Variants in PTPRM observed in about 807,000 individuals in gnomAD.
PTPRM encodes the protein receptor-type tyrosine-protein phosphatase mu.
In PTPRM, 47 loss-of-function variants were observed where a neutral mutation model predicts 186.7. That is an observed-to-expected ratio of 0.25 (90% CI 0.20 to 0.32). PTPRM has a LOEUF of 0.32. Ranked by LOEUF, PTPRM falls within the 10% of genes least tolerant of loss-of-function variation. PTPRM has a pLI of 1.00. For synonymous variants in PTPRM, 668 were observed against 674.9 expected (o/e 0.99, Z 0.16); for missense variants, 1,494 against 1,865.0 (o/e 0.80, Z 3.66).
At chr18:8,354,448 A>T (rs1488802222) in intron 23 of PTPRM, among the ~76,000 whole-genome samples, 1 of 152,148 alleles carries the variant, frequency 6.6e-6, no homozygotes, top group African/African-American at 2.4e-5. Context: ...TTTCAACAGG[A>T]AGGGGATAGC....
At chr18:8,139,468 G>T (rs542443474) in intron 13 of PTPRM, among the ~76,000 whole-genome samples, 1 of 152,132 alleles carries the variant, frequency 6.6e-6, no homozygotes, top group African/African-American at 2.4e-5. Context: ...CAGTACACAC[G>T]GCTGCCGGGA....
chr18:8,032,742 A>G (rs1015999727), intron 7 of PTPRM, among the ~76,000 whole-genome samples: 1 of 152,170 alleles, frequency 6.6e-6, no homozygotes, highest in Admixed American at 6.5e-5. Context: ...ATAAAAATAG[A>G]AAATACAAGC....
At chr18:8,279,264 C>T (rs1331850516) in intron 19 of PTPRM, among the ~76,000 whole-genome samples, 2 of 151,940 alleles carry the variant, frequency 1.3e-5, no homozygotes, top group African/African-American at 2.4e-5. Flanking sequence ...TGGTGAGGAA[C>T]GTGAAATGGA....
At chr18:8,106,372 G>A (rs1307792869) in intron 11 of PTPRM, among the ~76,000 whole-genome samples, 2 of 152,126 alleles carry the variant, frequency 1.3e-5, no homozygotes, top group African/African-American at 2.4e-5. Flanking sequence ...GAGAATGTTG[G>A]TGACTGTAGC....
At chr18:8,401,993 C>T (rs781047710) in intron 32 of PTPRM, among the ~76,000 whole-genome samples, 2 of 152,170 alleles carry the variant, frequency 1.3e-5, no homozygotes, top group Non-Finnish European at 2.9e-5. Flanking sequence ...TCCTCATGCC[C>T]GAAGCCAGCT....
chr18:7,734,945 A>C (rs2040736614), intron 1 of PTPRM, among the ~76,000 whole-genome samples: 1 of 151,842 alleles, frequency 6.6e-6, no homozygotes, highest in Admixed American at 6.6e-5. Flanking sequence ...CACACACGTT[A>C]ACCAAAAATA....
At chr18:7,907,499 T>C (rs2050050215) in intron 4 of PTPRM, among the ~76,000 whole-genome samples, 1 of 152,198 alleles carries the variant, frequency 6.6e-6, no homozygotes, top group Admixed American at 6.5e-5. Context: ...GCGCTGTGTC[T>C]CTGTGCACCT....
At chr18:8,346,530 AC>A (rs1434260142) in intron 23 of PTPRM, among the ~76,000 whole-genome samples, 2 of 152,186 alleles carry the variant, frequency 1.3e-5, no homozygotes, top group Non-Finnish European at 2.9e-5. Context: ...GTCTCCAAAT[AC>A]AGTCACACTT....
At chr18:7,914,486 A>G (rs566458517) in intron 4 of PTPRM, among the ~76,000 whole-genome samples, 1 of 152,226 alleles carries the variant, frequency 6.6e-6, no homozygotes, top group East Asian at 1.9e-4. Flanking sequence ...TTGGACCTAT[A>G]ATCTCATTTG....
chr18:7,886,936 G>A (rs1358761695), intron 2 of PTPRM, among the ~76,000 whole-genome samples: 2 of 152,184 alleles, frequency 1.3e-5, no homozygotes, highest in Non-Finnish European at 1.5e-5. Context: ...GGCAATCACA[G>A]CATGTAAACA....
At chr18:7,861,347 T>C (rs1193207105) in intron 2 of PTPRM, among the ~76,000 whole-genome samples, 2 of 149,806 alleles carry the variant, frequency 1.3e-5, no homozygotes, top group Non-Finnish European at 2.9e-5. Flanking sequence ...ATAAACACAC[T>C]CAGTATTTAT....
intron 7 of PTPRM, among the ~76,000 whole-genome samples, chr18:8,067,780 G>T (rs868407642): frequency 1.3e-5 from 2 of 152,166 alleles, no homozygotes; most frequent in South Asian, 4.1e-4. Context: ...TGAAATGCAG[G>T]CCAGGCTCTC....
intron 22 of PTPRM, among the ~76,000 whole-genome samples, chr18:8,331,807 G>T (rs184459130): frequency 5.3e-5 from 8 of 152,236 alleles, no homozygotes; most frequent in African/African-American, 1.7e-4. Flanking sequence ...GACAAACATA[G>T]GTTGGAAAGA....
Position 7,888,087 on chromosome 18 carries a change from C to A in PTPRM, c.197-19C>A, listed in dbSNP as rs780731697. The A allele has an allele frequency of 5.6e-6, 9 of 1,613,980 alleles. No homozygotes were observed. The highest frequency in any genetic ancestry group is 7.6e-6 in the Non-Finnish European group (9 of 1,179,910). ...AGTAGTGTTTCAGGGTATGACTCTC[C>A]TTGATTTTGTTTTTGCAGGTTCTTT... On this transcript the variant is annotated intron_variant, in intron 2 of 32. Transcript: ENST00000580170.
chr18:7,800,966 C>T (rs928594318), intron 2 of PTPRM, among the ~76,000 whole-genome samples: 1 of 151,922 alleles, frequency 6.6e-6, no homozygotes, highest in African/African-American at 2.4e-5. Context: ...GTATAGGGCA[C>T]TTACAATGAA....
chr18:8,405,033 C>A (rs773354886), intron 32 of PTPRM: 1 of 152,120 alleles, frequency 6.6e-6, no homozygotes, highest in Non-Finnish European at 1.5e-5. Context: ...TGTGGTGACT[C>A]GTGCCTATAA....
chr18:7,897,606 A>T (rs952367645), intron 3 of PTPRM, among the ~76,000 whole-genome samples: 1 of 152,198 alleles, frequency 6.6e-6, no homozygotes, highest in Admixed American at 6.5e-5. Flanking sequence ...GATTGTTTTC[A>T]CCCTCAAAGA....
Position 7,567,673 on chromosome 18 carries a change from A to C in PTPRM, c.-146A>C. The C allele has an allele frequency of 7.6e-6, 5 of 659,932 alleles. No homozygotes were observed. In the South Asian group the frequency reaches 1.2e-4, roughly 16 times the overall value. The allele number at this position is 659,932 out of a possible 1,614,324, so 40.9% of individuals were successfully genotyped here. On this transcript the variant is annotated 5_prime_UTR_variant, in exon 1 of 33. Coordinates refer to ENST00000580170, the MANE Select transcript of PTPRM (RefSeq NM_001105244.2). The surrounding 1 kb of genome is among the most constrained non-coding windows in gnomAD (Gnocchi z 4.3). The stretch of plus-strand genomic sequence containing the variant: ...GAGCCGCTGGAGTTCGGACTTCTGC[A>C]ACTGTTGGCACTTTGGGGGCTTGGC...
At chr18:8,029,433 C>T (rs1200566020) in intron 7 of PTPRM, among the ~76,000 whole-genome samples, 1 of 151,962 alleles carries the variant, frequency 6.6e-6, no homozygotes, top group Non-Finnish European at 1.5e-5. Context: ...TGGAGTGTCT[C>T]CCCCACACCT....
Sources: allele counts gnomAD v4.1 joint callset (sites outside exome capture counted in the v4.1 genomes callset), GRCh38; gene constraint gnomAD v4.1.1; non-coding constraint Gnocchi (gnomAD v3.1); transcripts MANE v1.5; gene names NCBI Gene and HGNC (gene_info 2026-07-23, HGNC 2026-07-21).